Variants in ANXA8 observed in about 807,000 individuals in gnomAD.
ANXA8 encodes annexin A8.
In ANXA8, 9 loss-of-function variants were observed where a neutral mutation model predicts 26.8. The observed-to-expected ratio is 0.34, with a 90% CI of 0.20 to 0.59. ANXA8 has a LOEUF of 0.59. Ranked by LOEUF, ANXA8 falls within the 20% of genes least tolerant of loss-of-function variation. ANXA8 has a pLI of 0.84. For missense variants in ANXA8, 83 were observed against 238.5 expected, an observed-to-expected ratio of 0.35 and a Z score of 4.29; for synonymous variants, 39 against 94.8, an observed-to-expected ratio of 0.41 and a Z score of 3.42.
At chr10:47,546,524 T>A in the ANXA8 span, among the ~76,000 whole-genome samples, 1 of 131,512 alleles carries the variant, frequency 7.6e-6, no homozygotes, top group Non-Finnish European at 1.6e-5. Flanking sequence ...TGCCTCAGCC[T>A]CCTGAGTAGC....
At chr10:47,595,109 T>G in the ANXA8 span, among the ~76,000 whole-genome samples, 1 of 148,418 alleles carries the variant, frequency 6.7e-6, no homozygotes, top group Non-Finnish European at 1.5e-5. Context: ...TAGAGGTCTA[T>G]TTTTAGTACT....
the ANXA8 span, among the ~76,000 whole-genome samples, chr10:47,733,225 T>TC: frequency 2.7e-4 from 16 of 58,350 alleles, no homozygotes; most frequent in East Asian, 1.5e-3. Context: ...TTCTTTCTCT[T>TC]TCTTTCTCTC....
At chr10:47,643,469 C>T in the ANXA8 span, among the ~76,000 whole-genome samples, 1 of 147,190 alleles carries the variant, frequency 6.8e-6, no homozygotes, top group Non-Finnish European at 1.5e-5. Flanking sequence ...GCAGAGGTTG[C>T]AGTGAGCCGA....
chr10:47,619,235 A>G, the ANXA8 span, among the ~76,000 whole-genome samples: 1 of 113,322 alleles, frequency 8.8e-6, no homozygotes, highest in Non-Finnish European at 1.9e-5. Context: ...TTATTAATAT[A>G]CTTCTACTAT....
chr10:47,658,106 C>G, the ANXA8 span, among the ~76,000 whole-genome samples: 1 of 151,890 alleles, frequency 6.6e-6, no homozygotes, highest in African/African-American at 2.4e-5. Flanking sequence ...GCCGGTGGCT[C>G]ACGCCTGTAA....
the ANXA8 span, among the ~76,000 whole-genome samples, chr10:47,584,288 G>A: frequency 6.7e-6 from 1 of 148,232 alleles, no homozygotes; most frequent in Non-Finnish European, 1.5e-5. Context: ...AGAGACCATG[G>A]GCGTTTCATA....
the ANXA8 span, among the ~76,000 whole-genome samples, chr10:47,584,322 A>G: frequency 1.4e-5 from 2 of 147,058 alleles, no homozygotes; most frequent in Admixed American, 6.7e-5. Context: ...CGTCTCCTCC[A>G]CTCAGCGACT....
At chr10:47,679,699 G>T in the ANXA8 span, among the ~76,000 whole-genome samples, 3,159 of 151,098 alleles carry the variant, frequency 0.021, 47 homozygotes, top group African/African-American at 0.073. Flanking sequence ...TAGGATGATC[G>T]CTTGAGCCCA....
At chr10:47,732,924 C>A in the ANXA8 span, among the ~76,000 whole-genome samples, 1,703 of 148,548 alleles carry the variant, frequency 0.011, 3 homozygotes, top group African/African-American at 0.04. Flanking sequence ...TATATCAGCG[C>A]CAGGATTAAA....
chr10:47,958,900 T>C, the ANXA8 span, among the ~76,000 whole-genome samples: 2 of 150,252 alleles, frequency 1.3e-5, no homozygotes, highest in African/African-American at 2.5e-5. Context: ...ATTACCTCCA[T>C]CTATCTAGTC....
the ANXA8 span, among the ~76,000 whole-genome samples, chr10:47,645,322 G>A: frequency 6.8e-6 from 1 of 146,994 alleles, no homozygotes; most frequent in Non-Finnish European, 1.5e-5. Context: ...AAGGTAGTGG[G>A]AGACGTTACT....
At chr10:47,956,856 G>A in the ANXA8 span, among the ~76,000 whole-genome samples, 1 of 150,110 alleles carries the variant, frequency 6.7e-6, no homozygotes, top group African/African-American at 2.5e-5. Context: ...AGACGGCTCT[G>A]CTTCGAGTAT....
the ANXA8 span, among the ~76,000 whole-genome samples, chr10:47,513,094 C>T: frequency 8.3e-5 from 12 of 144,924 alleles, no homozygotes; most frequent in East Asian, 2.5e-4. Context: ...GTATGCAATG[C>T]GGTGATCTTG....
chr10:47,763,790 T>TGG, the ANXA8 span, among the ~76,000 whole-genome samples: 1 of 106,946 alleles, frequency 9.4e-6, no homozygotes, highest in African/African-American at 3.9e-5. Flanking sequence ...AGTGTGTGTG[T>TGG]GGGGGGGGGA....
the ANXA8 span, among the ~76,000 whole-genome samples, chr10:47,653,051 C>A: frequency 6.6e-6 from 1 of 151,212 alleles, no homozygotes; most frequent in South Asian, 2.1e-4. Context: ...GTGGCTCACG[C>A]CTATAATCCC....
the ANXA8 span, among the ~76,000 whole-genome samples, chr10:47,707,447 C>T: frequency 2.1e-5 from 3 of 143,456 alleles, no homozygotes; most frequent in African/African-American, 7.3e-5. Context: ...AGTGCAGTGG[C>T]CTGATCATAG....
At chr10:47,959,554 T>C in the ANXA8 span, among the ~76,000 whole-genome samples, 1 of 147,798 alleles carries the variant, frequency 6.8e-6, no homozygotes, top group African/African-American at 2.6e-5. Flanking sequence ...CTTCGGCATG[T>C]GCTCTAAGGA....
the ANXA8 span, among the ~76,000 whole-genome samples, chr10:47,593,813 T>C: frequency 6.9e-6 from 1 of 145,190 alleles, no homozygotes; most frequent in Non-Finnish European, 1.5e-5. Flanking sequence ...CCCGGGTGTG[T>C]TTGGAGGGTG....
intron 6 of ANXA8, among the ~76,000 whole-genome samples, chr10:47,475,266 T>C (rs1839488383): frequency 6.7e-6 from 1 of 149,552 alleles, no homozygotes; most frequent in African/African-American, 2.4e-5. Flanking sequence ...AAGGACCTGC[T>C]CTCCTCCCGC....
Sources: allele counts gnomAD v4.1 joint callset (sites outside exome capture counted in the v4.1 genomes callset), GRCh38; gene constraint gnomAD v4.1.1; transcripts MANE v1.5; gene names NCBI Gene and HGNC (gene_info 2026-07-23, HGNC 2026-07-21).